BNC2: variants seen among roughly 807,000 people sequenced by gnomAD.
The protein encoded by BNC2 is zinc finger protein basonuclin-2.
In BNC2, 20 loss-of-function variants were observed where a neutral mutation model predicts 76.3. The ratio of observed to expected loss-of-function variants is 0.26; its 90% CI spans 0.18 to 0.38. The LOEUF is 0.38. Among genes scored for constraint, BNC2 ranks in the 10% least tolerant of loss-of-function variants. BNC2 has a pLI of 1.00. For missense variants in BNC2, 1,382 were observed against 1,399.8 expected (o/e 0.99, Z 0.20); for synonymous variants, 582 against 514.8 (o/e 1.13, Z -1.77).
chr9:16,536,150 T>TAA (rs201516211), intron 5 of BNC2, among the ~76,000 whole-genome samples: 1 of 151,530 alleles, frequency 6.6e-6, no homozygotes, highest in Non-Finnish European at 1.5e-5. Context: ...TTACTCACTT[T>TAA]AAAAAAAAAT....
At chr9:16,518,567 T>C (rs1044546976) in intron 5 of BNC2, among the ~76,000 whole-genome samples, 1 of 137,686 alleles carries the variant, frequency 7.3e-6, no homozygotes, top group African/African-American at 3.0e-5. Flanking sequence ...GCAAAAGTCA[T>C]ATATATATAT....
At chr9:16,507,684 C>A (rs1018433244) in intron 5 of BNC2, among the ~76,000 whole-genome samples, 1 of 152,172 alleles carries the variant, frequency 6.6e-6, no homozygotes, top group African/African-American at 2.4e-5. Context: ...GCCTTGGCTT[C>A]CCAAAGTGCT....
At chr9:16,456,495 C>G (rs1310158203) in intron 5 of BNC2, among the ~76,000 whole-genome samples, 1 of 145,896 alleles carries the variant, frequency 6.9e-6, no homozygotes, top group Non-Finnish European at 1.5e-5. Context: ...CACACCACTG[C>G]ATTCCAGCCT....
At chr9:16,751,632 A>G (rs1416359862) in intron 1 of BNC2, among the ~76,000 whole-genome samples, 2 of 45,866 alleles carry the variant, frequency 4.4e-5, no homozygotes, top group Non-Finnish European at 6.6e-5. Flanking sequence ...ATATATATGT[A>G]TGTATATATG....
chr9:16,678,808 C>T (rs1006550311), intron 3 of BNC2, among the ~76,000 whole-genome samples: 3 of 152,160 alleles, frequency 2.0e-5, no homozygotes, highest in Non-Finnish European at 4.4e-5. Flanking sequence ...GTTGTCCTGA[C>T]ATTCCAAACC....
At chr9:16,720,000 A>T (rs1411905555) in intron 3 of BNC2, among the ~76,000 whole-genome samples, 1 of 152,150 alleles carries the variant, frequency 6.6e-6, no homozygotes, top group African/African-American at 2.4e-5. Flanking sequence ...AGGAAAGCAA[A>T]ATCTCTCTTC....
intron 1 of BNC2, among the ~76,000 whole-genome samples, chr9:16,827,117 T>C (rs932804813): frequency 6.6e-5 from 10 of 152,230 alleles, no homozygotes; most frequent in African/African-American, 2.4e-4. Flanking sequence ...GCATTAGGTT[T>C]AATTACTGTA....
chr9:16,820,363 T>C (rs558332934), intron 1 of BNC2, among the ~76,000 whole-genome samples: 15 of 150,310 alleles, frequency 1.0e-4, no homozygotes, highest in Non-Finnish European at 1.5e-4. Flanking sequence ...GAGGCAGAGG[T>C]TGCAGTGAGC....
chr9:16,453,326 T>C (rs1188724608), intron 5 of BNC2, among the ~76,000 whole-genome samples: 3 of 152,150 alleles, frequency 2.0e-5, no homozygotes, highest in Admixed American at 2.0e-4. Context: ...GCAGTTTGAG[T>C]TGAGCCCTCC....
Position 16,501,280 on chromosome 9 carries a change from C to G in BNC2, c.669+51250G>C, listed in dbSNP as rs560961020. Among the ~76,000 whole-genome samples, 15 of 152,260 alleles carry G rather than the reference C, an allele frequency of 9.9e-5. No individual in the cohort carries two copies. In the South Asian group the frequency reaches 3.1e-3, roughly 32 times the overall value. On this transcript the variant is annotated intron_variant, in intron 5 of 6. Transcript: ENST00000380672. The stretch of plus-strand genomic sequence containing the variant: ...TTATTATTCATACGAATGAGTAATG[C>G]TTAACATTTTCACCAAAAATCTTGA...
chr9:16,730,400 G>T (rs1423714011), intron 2 of BNC2, among the ~76,000 whole-genome samples: 1 of 152,154 alleles, frequency 6.6e-6, no homozygotes, highest in South Asian at 2.1e-4. Context: ...CAAAACAAAG[G>T]GCTAATTTGG....
intron 3 of BNC2, among the ~76,000 whole-genome samples, chr9:16,709,275 A>C (rs1823766047): frequency 6.6e-6 from 1 of 152,232 alleles, no homozygotes; most frequent in South Asian, 2.1e-4. Context: ...GGTTGATTGC[A>C]TTAGGTACCA....
intron 5 of BNC2, among the ~76,000 whole-genome samples, chr9:16,524,526 ACACATTC>A (rs1817731846): frequency 6.6e-6 from 1 of 152,050 alleles, no homozygotes; most frequent in Admixed American, 6.5e-5. Context: ...TATTCTAAAT[ACACATTC>A]AGGATTATAC....
At chr9:16,419,777 C>A in intron 6 of BNC2, 128 bp from the exon 7 acceptor site, 1 of 691,508 alleles carries the variant, frequency 1.4e-6, no homozygotes, top group African/African-American at 1.7e-5. Flanking sequence ...TCTAATTACA[C>A]CATTATAAAA....
intron 3 of BNC2, among the ~76,000 whole-genome samples, chr9:16,709,498 A>C (rs978626346): frequency 6.6e-6 from 1 of 152,164 alleles, no homozygotes; most frequent in African/African-American, 2.4e-5. Flanking sequence ...GAGAGAGTTA[A>C]GCGAATTTTG....
At chr9:16,850,296 T>C (rs1465770756) in intron 1 of BNC2, among the ~76,000 whole-genome samples, 2 of 152,178 alleles carry the variant, frequency 1.3e-5, no homozygotes, top group Admixed American at 6.5e-5. Flanking sequence ...CTTTGGTCAG[T>C]GGAATGATAT....
At chr9:16,746,628 G>A (rs62541545) in intron 1 of BNC2, among the ~76,000 whole-genome samples, 1 of 150,598 alleles carries the variant, frequency 6.6e-6, no homozygotes, top group South Asian at 2.1e-4. Context: ...GCCTCCCAAA[G>A]TGCTGGGATT....
rs746276768 is a variant in BNC2 at position 16,435,653 on chromosome 9, A to G, written c.2541T>C (p.Ser847=). ...VCKKSFKSSY[S]VKLHYRNVHL... ...GAACGTTCCTGTAGTGAAGTTTCAC[A>G]CTGTAGGAGCTTTTGAAACTCTTCT... Residue 847 remains serine, a synonymous_variant, in exon 6 of 7, where the codon AGT becomes AGC. Coordinates refer to ENST00000380672, the MANE Select transcript of BNC2 (RefSeq NM_017637.6). 1.2e-5 allele frequency: 19 copies of G among 1,614,022 alleles called. No homozygotes were observed. In the African/African-American group the frequency reaches 2.4e-4, roughly 20 times the overall value.
At chr9:16,540,985 G>C (rs1818302700) in intron 5 of BNC2, among the ~76,000 whole-genome samples, 2 of 152,170 alleles carry the variant, frequency 1.3e-5, no homozygotes, top group African/African-American at 4.8e-5. Context: ...TTAACACACA[G>C]CCAATCAAAA....
Sources: gnomAD v4.1 joint callset for allele counts (sites outside exome capture counted in the v4.1 genomes callset) on GRCh38, gnomAD v4.1.1 for gene constraint, MANE v1.5 for transcripts, NCBI Gene and HGNC (gene_info 2026-07-23, HGNC 2026-07-21) for gene names.